The following RPS6KA5 variants were observed in gnomAD, a reference collection of about 807,000 sequenced individuals.
The protein encoded by RPS6KA5 is ribosomal protein S6 kinase alpha-5.
In RPS6KA5, 27 loss-of-function variants were observed where a neutral mutation model predicts 85.5. That is an observed-to-expected ratio of 0.32 (90% CI 0.23 to 0.44). RPS6KA5 has a LOEUF of 0.44. Among genes scored for constraint, RPS6KA5 ranks in the 20% least tolerant of loss-of-function variants. RPS6KA5 has a pLI of 1.00. For missense variants in RPS6KA5, 811 were observed against 980.9 expected (o/e 0.83, Z 2.31); for synonymous variants, 334 against 348.2 (o/e 0.96, Z 0.46).
intron 1 of RPS6KA5, among the ~76,000 whole-genome samples, chr14:91,013,139 T>C (rs1194634222): frequency 2.0e-5 from 3 of 152,262 alleles, no homozygotes; most frequent in Non-Finnish European, 4.4e-5. Flanking sequence ...ACTGATGCCA[T>C]AAGACATTTT....
intron 7 of RPS6KA5, among the ~76,000 whole-genome samples, chr14:90,909,724 T>C (rs2035697063): frequency 1.3e-5 from 2 of 152,176 alleles, no homozygotes; most frequent in African/African-American, 2.4e-5. Context: ...AATAAATTAA[T>C]AGCCAAATCA....
intron 7 of RPS6KA5, among the ~76,000 whole-genome samples, chr14:90,909,177 T>C (rs1449695730): frequency 1.3e-5 from 2 of 152,222 alleles, no homozygotes; most frequent in Non-Finnish European, 1.5e-5. Context: ...GGGTAGACGA[T>C]TCTGTGGGAC....
At chr14:90,925,434 G>A (rs2036604875) in intron 5 of RPS6KA5, among the ~76,000 whole-genome samples, 1 of 152,154 alleles carries the variant, frequency 6.6e-6, no homozygotes, top group African/African-American at 2.4e-5. Flanking sequence ...TTCCTCCTAT[G>A]AGCTTAAATG....
intron 5 of RPS6KA5, among the ~76,000 whole-genome samples, chr14:90,940,705 A>C (rs909705310): frequency 6.6e-6 from 1 of 152,156 alleles, no homozygotes; most frequent in African/African-American, 2.4e-5. Context: ...CAGGCCATGG[A>C]CAAGTACTGG....
intron 5 of RPS6KA5, among the ~76,000 whole-genome samples, chr14:90,933,531 T>C (rs1330121683): frequency 6.6e-6 from 1 of 152,198 alleles, no homozygotes; most frequent in East Asian, 1.9e-4. Flanking sequence ...TGCTACTCCA[T>C]AGTCTAGGCC....
intron 1 of RPS6KA5, among the ~76,000 whole-genome samples, chr14:91,054,813 A>G (rs2043246995): frequency 6.6e-6 from 1 of 151,896 alleles, no homozygotes; most frequent in Admixed American, 6.6e-5. Context: ...ATTTTTTTTT[A>G]ATTAAAGACT....
chr14:90,920,543 C>G (rs1186914379), intron 6 of RPS6KA5, among the ~76,000 whole-genome samples: 1 of 151,704 alleles, frequency 6.6e-6, no homozygotes, highest in Non-Finnish European at 1.5e-5. Context: ...AACCGTTTAC[C>G]TTGATAATTT....
At chr14:90,967,258 G>A (rs1489837949) in intron 3 of RPS6KA5, among the ~76,000 whole-genome samples, 4 of 151,996 alleles carry the variant, frequency 2.6e-5, no homozygotes, top group African/African-American at 7.3e-5. Context: ...TTTCTTAAAT[G>A]GTCTTCTTTA....
At chr14:91,015,758 G>T (rs28503696) in intron 1 of RPS6KA5, among the ~76,000 whole-genome samples, 2,319 of 152,266 alleles carry the variant, frequency 0.015, 44 homozygotes, top group African/African-American at 0.043. Flanking sequence ...GTAATAACTT[G>T]TTCTTACAGC....
chr14:91,043,746 C>T (rs539673592), intron 1 of RPS6KA5, among the ~76,000 whole-genome samples: 4 of 152,174 alleles, frequency 2.6e-5, no homozygotes, highest in Non-Finnish European at 4.4e-5. Context: ...CACCCCGATA[C>T]GCATTTCCCC....
chr14:91,023,784 T>G (rs7152353), intron 1 of RPS6KA5, among the ~76,000 whole-genome samples: 77,570 of 151,752 alleles, frequency 0.51, 19,935 homozygotes, highest in East Asian at 0.55. Flanking sequence ...TTTATCTTTT[T>G]GCCTAAAGCC....
chr14:90,945,974 A>C (rs992496672), intron 4 of RPS6KA5, among the ~76,000 whole-genome samples: 1 of 152,148 alleles, frequency 6.6e-6, no homozygotes, highest in Admixed American at 6.5e-5. Flanking sequence ...ACTACACTGG[A>C]CTTCCTAGCT....
At position 90,964,868 on chromosome 14, in the gene RPS6KA5, T is replaced by G. The variant is rs574911567; in HGVS notation, c.394+13438A>C. On this transcript the variant is annotated intron_variant, in intron 3 of 16. Transcript: ENST00000614987. ...AAGTCAAGGCTGCAGTGGGCCATGA[T>G]AGTGCCACTGCACTCCAGCCTTGGC... Among the ~76,000 whole-genome samples the G allele has an allele frequency of 1.7e-4, 23 of 133,806 alleles. No homozygotes were observed. In the South Asian group the frequency reaches 5.2e-3, roughly 31 times the overall value. The allele number at this position is 133,806 out of a possible 152,430, so 87.8% of individuals were successfully genotyped here. A position where few individuals can be genotyped will look rare whatever the true frequency, so the allele number is the denominator to read the frequency against.
intron 1 of RPS6KA5, among the ~76,000 whole-genome samples, chr14:91,044,638 C>T (rs1245362270): frequency 1.1e-4 from 16 of 151,944 alleles, no homozygotes; most frequent in Non-Finnish European, 1.0e-4. Context: ...CTTTTGGAGG[C>T]CGAGGCGGGT....
chr14:90,908,019 C>T (rs1223721292), intron 7 of RPS6KA5, among the ~76,000 whole-genome samples: 1 of 152,232 alleles, frequency 6.6e-6, no homozygotes, highest in East Asian at 1.9e-4. Flanking sequence ...CTGACATCAT[C>T]TTAGCATACT....
chr14:91,021,194 A>G (rs1255039188), intron 1 of RPS6KA5, among the ~76,000 whole-genome samples: 1 of 152,152 alleles, frequency 6.6e-6, no homozygotes, highest in Non-Finnish European at 1.5e-5. Context: ...TCCTTACTAT[A>G]ATGGTTACAA....
chr14:90,986,424 G>T (rs1262146275), intron 2 of RPS6KA5, among the ~76,000 whole-genome samples: 1 of 151,216 alleles, frequency 6.6e-6, no homozygotes, highest in African/African-American at 2.4e-5. Context: ...TTTCAATCTG[G>T]TAAACATGAT....
intron 1 of RPS6KA5, among the ~76,000 whole-genome samples, chr14:91,024,161 A>G (rs1273106235): frequency 6.6e-6 from 1 of 152,092 alleles, no homozygotes; most frequent in East Asian, 1.9e-4. Flanking sequence ...TCTTCCTTGG[A>G]GAACTTGTAA....
Position 90,862,236 on chromosome 14 carries a change from A to G in RPS6KA5, c.*9838T>C, listed in dbSNP as rs912460226. 25 of 152,214 alleles carry G rather than the reference A, an allele frequency of 1.6e-4. No homozygotes were observed. The highest frequency in any genetic ancestry group is 6.0e-4 in the African/African-American group (25 of 41,458). 9.4% of individuals were successfully genotyped at this position (152,214 alleles called of 1,614,324 possible). On this transcript the variant is annotated 3_prime_UTR_variant, in exon 17 of 17. Transcript: ENST00000614987. ...CCAATTAATGACAACTTTCCCACAA[A>G]GAAAACTTCTCATTCAAGTGGCTTC...
Sources: gnomAD v4.1 joint callset for allele counts (sites outside exome capture counted in the v4.1 genomes callset) on GRCh38, gnomAD v4.1.1 for gene constraint, MANE v1.5 for transcripts, NCBI Gene and HGNC (gene_info 2026-07-23, HGNC 2026-07-21) for gene names.